The following CTNNA3 variants were observed in gnomAD, a reference collection of about 807,000 sequenced individuals.
CTNNA3 encodes catenin alpha-3.
Under a neutral mutation model 95.7 loss-of-function variants are expected in CTNNA3, and 76 were observed. The ratio of observed to expected loss-of-function variants is 0.79; its 90% CI spans 0.66 to 0.96. The LOEUF (loss-of-function observed/expected upper bound fraction) is 0.96. Among genes scored for constraint, CTNNA3 ranks in the 40% least tolerant of loss-of-function variants. CTNNA3 has a pLI of 0.00. For missense variants in CTNNA3, 1,191 were observed against 1,089.8 expected, an observed-to-expected ratio of 1.09 and a Z score of -1.31; for synonymous variants, 431 against 374.4, an observed-to-expected ratio of 1.15 and a Z score of -1.74.
intron 5 of CTNNA3, among the ~76,000 whole-genome samples, chr10:67,342,675 C>T (rs549005253): frequency 1.3e-5 from 2 of 152,176 alleles, no homozygotes; most frequent in African/African-American, 4.8e-5. Flanking sequence ...GTTTTCCCAG[C>T]AGCATTTATT....
chr10:67,540,659 T>C lies in CTNNA3; in HGVS notation c.293-990A>G, dbSNP rs1298468494. Among the ~76,000 whole-genome samples, 4 of 151,994 alleles carry C rather than the reference T, an allele frequency of 2.6e-5. No individual in the cohort carries two copies. The East Asian group carries it at 7.7e-4, about 29-fold the overall frequency. On this transcript the variant is annotated intron_variant, in intron 3 of 17. Transcript: ENST00000433211. ...TTATGAATATATTCATATACATTCA[T>C]ATATACAAATATGTTTTATAAAGAC...
chr10:66,905,312 T>C (rs530973749), intron 7 of CTNNA3, among the ~76,000 whole-genome samples: 2 of 152,032 alleles, frequency 1.3e-5, no homozygotes, highest in African/African-American at 2.4e-5. Context: ...TAGGTGGGAA[T>C]TGAACAATAA....
At chr10:66,000,716 G>A (rs79359076) in intron 15 of CTNNA3, among the ~76,000 whole-genome samples, 2 of 151,966 alleles carry the variant, frequency 1.3e-5, no homozygotes, top group African/African-American at 4.8e-5. Flanking sequence ...TTTTCTGTTT[G>A]CCAGACACTA....
chr10:66,616,314 G>T (rs550511251), intron 10 of CTNNA3, among the ~76,000 whole-genome samples: 13 of 152,020 alleles, frequency 8.6e-5, no homozygotes, highest in Admixed American at 1.3e-4. Context: ...TCCAATTCCT[G>T]TCAGGATAGC....
At chr10:66,984,756 G>GA (rs1227120233) in intron 7 of CTNNA3, among the ~76,000 whole-genome samples, 3 of 152,172 alleles carry the variant, frequency 2.0e-5, no homozygotes, top group Admixed American at 1.3e-4. Context: ...ACAAAGAAAG[G>GA]AAAACGAAAA....
intron 7 of CTNNA3, among the ~76,000 whole-genome samples, chr10:66,799,423 T>A (rs1305040030): frequency 6.6e-6 from 1 of 151,610 alleles, no homozygotes; most frequent in Non-Finnish European, 1.5e-5. Flanking sequence ...TAATCATTTA[T>A]GAGATAGATA....
At chr10:66,539,866 C>T (rs1841787266) in intron 10 of CTNNA3, among the ~76,000 whole-genome samples, 1 of 152,070 alleles carries the variant, frequency 6.6e-6, no homozygotes, top group Non-Finnish European at 1.5e-5. Flanking sequence ...AGAAGAACCC[C>T]AGGTTATTCA....
chr10:67,338,078 A>G (rs1273982162), intron 5 of CTNNA3, among the ~76,000 whole-genome samples: 1 of 152,208 alleles, frequency 6.6e-6, no homozygotes, highest in Admixed American at 6.5e-5. Context: ...CATCTTCAGG[A>G]GCCAGATTGT....
intron 4 of CTNNA3, among the ~76,000 whole-genome samples, chr10:67,526,499 T>A (rs1840150761): frequency 6.6e-6 from 1 of 152,208 alleles, no homozygotes; most frequent in African/African-American, 2.4e-5. Context: ...TGCTATGCCA[T>A]TTAATAACTG....
At chr10:67,479,350 C>A (rs1286846114) in intron 5 of CTNNA3, among the ~76,000 whole-genome samples, 2 of 152,030 alleles carry the variant, frequency 1.3e-5, no homozygotes, top group Non-Finnish European at 2.9e-5. Flanking sequence ...ACATGCTCAG[C>A]AATAAATCAA....
At chr10:66,477,057 CT>C (rs1386276292) in intron 11 of CTNNA3, among the ~76,000 whole-genome samples, 1 of 151,992 alleles carries the variant, frequency 6.6e-6, no homozygotes, top group Non-Finnish European at 1.5e-5. Context: ...TTGCAGATAA[CT>C]TTTTGTTGAT....
In CTNNA3 at chr10:67,692,260, C is replaced by T. The variant is rs1161846269; in HGVS notation, c.-6+3740G>A. Among the ~76,000 whole-genome samples the T allele has an allele frequency of 8.8e-3, 1,308 of 148,310 alleles. 22 individuals carry two copies. The highest frequency in any genetic ancestry group is 0.031 in the African/African-American group (1,250 of 40,060). On this transcript the variant is annotated intron_variant, in intron 1 of 17. Transcript: ENST00000433211. ...GGTGTACCCAACAGCTCATTGAGAA[C>T]GGGCCATGATGACAATGGCGGTTTT...
At chr10:67,309,806 A>G (rs1473273944) in intron 5 of CTNNA3, among the ~76,000 whole-genome samples, 1 of 152,188 alleles carries the variant, frequency 6.6e-6, no homozygotes, top group East Asian at 1.9e-4. Context: ...CTTATTAATC[A>G]TACCATTGCC....
intron 10 of CTNNA3, among the ~76,000 whole-genome samples, chr10:66,552,709 G>A (rs1011729432): frequency 4.0e-5 from 6 of 151,664 alleles, no homozygotes; most frequent in Non-Finnish European, 7.4e-5. Context: ...TTTTCTTTTT[G>A]AAAGGACTCT....
intron 11 of CTNNA3, among the ~76,000 whole-genome samples, chr10:66,467,038 T>C (rs555168120): frequency 1.1e-4 from 17 of 152,270 alleles, no homozygotes; most frequent in Middle Eastern, 3.4e-3. Context: ...ACAGTAGGCA[T>C]GCAATAGATA....
At chr10:67,541,733 T>C (rs1340718106) in intron 3 of CTNNA3, among the ~76,000 whole-genome samples, 1 of 152,116 alleles carries the variant, frequency 6.6e-6, no homozygotes, top group Non-Finnish European at 1.5e-5. Flanking sequence ...AGATGGTAAA[T>C]TTTTAATGCC....
At chr10:67,751,177 G>T in intron 1 of CTNNA3, 3 of 1,270,676 alleles carry the variant, frequency 2.4e-6, no homozygotes, top group Non-Finnish European at 2.3e-6. Flanking sequence ...TGGAGGGCCC[G>T]TAACATGTTG....
At position 66,238,708 on chromosome 10, in the gene CTNNA3, A is replaced by C. The variant is rs560947197; in HGVS notation, c.1884+41762T>G. Reference sequence around the variant, plus strand: ...TATATATATATATATAATTTTTTTCAAATATCTTCACAGAAAACACTTGAA... The same window carrying C: ...TATATATATATATATAATTTTTTTCCAATATCTTCACAGAAAACACTTGAA... On this transcript the variant is annotated intron_variant, in intron 13 of 17. Transcript: ENST00000433211. Among the ~76,000 whole-genome samples the C allele has an allele frequency of 3.2e-4, 48 of 151,906 alleles. No homozygotes were observed. The South Asian group carries it at 9.3e-3, about 30-fold the overall frequency.
chr10:67,468,921 C>A (rs1261886606), intron 5 of CTNNA3, among the ~76,000 whole-genome samples: 1 of 152,240 alleles, frequency 6.6e-6, no homozygotes. Flanking sequence ...ACAATCACTT[C>A]TCCTATTTTT....
Sources: allele counts gnomAD v4.1 joint callset (sites outside exome capture counted in the v4.1 genomes callset), GRCh38; gene constraint gnomAD v4.1.1; transcripts MANE v1.5; gene names NCBI Gene and HGNC (gene_info 2026-07-23, HGNC 2026-07-21).